Variants in SALL1 observed in about 807,000 individuals in gnomAD.
SALL1 encodes sal-like protein 1.
SALL1 carries 10 observed loss-of-function variants against 73.1 expected under a neutral mutation model. The ratio of observed to expected loss-of-function variants is 0.14; its 90% CI spans 0.08 to 0.23. SALL1 has a LOEUF of 0.23. Among genes scored for constraint, SALL1 ranks in the 10% least tolerant of loss-of-function variants. The pLI, the probability that SALL1 is intolerant of heterozygous loss-of-function variation, is 1.00. For missense variants in SALL1, 1,520 were observed against 1,697.3 expected, an observed-to-expected ratio of 0.90 and a Z score of 1.84; for synonymous variants, 688 against 689.8, an observed-to-expected ratio of 1.00 and a Z score of 0.04.
In SALL1 at chr16:51,138,900, C is replaced by T. The variant is rs148931484; in HGVS notation, c.3322G>A (p.Val1108Ile). The T allele has an allele frequency of 1.5e-5, 25 of 1,614,014 alleles. 1 individual carries two copies. In the South Asian group the frequency reaches 2.0e-4, roughly 13 times the overall value. ...QDSKDTPTSH[V>I]PSGPLSSSAT... Reference sequence around the variant, plus strand: ...GAGGAAGACAGAGGCCCAGACGGGACGTGACTGGTGGGGGTGTCCTTACTG... The same window carrying T: ...GAGGAAGACAGAGGCCCAGACGGGATGTGACTGGTGGGGGTGTCCTTACTG... Residue 1108 changes from valine (V) to isoleucine (I), a missense_variant, in exon 2 of 3, where the codon GTC becomes ATC. Val to Ile is a conservative substitution (Grantham distance 29). This residue lies in a region of SALL1 where 318 missense variants were observed against 357.1 expected (regional missense o/e 0.89). Transcript: ENST00000251020.
chr16:51,151,100 TG>T, intron 1 of SALL1, 65 bp downstream of exon 1: 1 of 1,199,390 alleles, frequency 8.3e-7, no homozygotes, highest in Non-Finnish European at 1.1e-6. Context: ...CGCGTGTGAG[TG>T]GGTCCGAGTG....
chr16:51,150,553 C>A, intron 1 of SALL1: 2 of 986,148 alleles, frequency 2.0e-6, no homozygotes, highest in Non-Finnish European at 2.4e-6. Flanking sequence ...GGCGCTGGCG[C>A]CCCGACACCA....
chr16:51,143,262 T>C, intron 1 of SALL1: 1 of 348,754 alleles, frequency 2.9e-6, no homozygotes, highest in Non-Finnish European at 5.9e-6. Flanking sequence ...AGATGTCTTC[T>C]CACTAAGATC....
chr16:51,150,868 G>A (rs867953174), intron 1 of SALL1: 3 of 320,026 alleles, frequency 9.4e-6, no homozygotes, highest in African/African-American at 6.4e-5. Context: ...CCCCGGAAAA[G>A]CAGGGACGGA....
At chr16:51,146,313 A>C (rs1466647265) in intron 1 of SALL1, among the ~76,000 whole-genome samples, 1 of 152,178 alleles carries the variant, frequency 6.6e-6, no homozygotes, top group Admixed American at 6.5e-5. Context: ...TAATGTACAC[A>C]ATAAATGAAA....
Position 51,138,860 on chromosome 16 carries a change from A to G in SALL1, c.3362T>C (p.Val1121Ala), listed in dbSNP as rs774834563. Residue 1121 changes from valine to alanine, a missense_variant, in exon 2 of 3, where the codon GTT becomes GCT. Physicochemically the swap from Val to Ala is moderately conservative, Grantham distance 64. This residue lies in a region of SALL1 where 318 missense variants were observed against 357.1 expected (regional missense o/e 0.89). Coordinates refer to ENST00000251020, the MANE Select transcript of SALL1 (RefSeq NM_002968.3). ...GPLSSSATSP[V>A]LLPALPRRTP... The stretch of plus-strand genomic sequence containing the variant: ...TCTCCTGGGCAGAGCAGGGAGCAGA[A>G]CTGGGGATGTGGCAGAGGAAGACAG... 6.2e-7 allele frequency: 1 copy of G among 1,614,232 alleles called. No homozygotes were observed.
chr16:51,150,287 G>T, intron 1 of SALL1: 1 of 560,646 alleles, frequency 1.8e-6, no homozygotes, highest in Non-Finnish European at 2.3e-6. Context: ...CACTCTGGCT[G>T]GCCACCCGCA....
At chr16:51,144,772 T>G (rs1962491403) in intron 1 of SALL1, among the ~76,000 whole-genome samples, 1 of 152,156 alleles carries the variant, frequency 6.6e-6, no homozygotes, top group Admixed American at 6.5e-5. Flanking sequence ...AATCTAAACA[T>G]TTTTATATTT....
chr16:51,147,780 AACACACACAC>A (rs145285801), intron 1 of SALL1, among the ~76,000 whole-genome samples: 1 of 146,200 alleles, frequency 6.8e-6, no homozygotes, highest in Non-Finnish European at 1.5e-5. Context: ...GAAGAACTCC[AACACACACAC>A]ACACACACAC....
chr16:51,150,954 T>C (rs983207954), intron 1 of SALL1: 1 of 416,124 alleles, frequency 2.4e-6, no homozygotes, highest in East Asian at 3.5e-5. Context: ...CCGGGAGATG[T>C]GCTCGCTTTC....
At position 51,140,816 on chromosome 16, in the gene SALL1, C is replaced by T; in HGVS notation, c.1406G>A (p.Arg469His). 1.9e-6 allele frequency: 3 copies of T among 1,614,166 alleles called. No individual in the cohort carries two copies. Among genetic ancestry groups the T allele is most frequent in the Non-Finnish European group, 2.5e-6 (3 of 1,180,030 alleles). ...GAATGGCCTCTCTCCGGTATGGGAA[C>T]GCAAGTGGATCTGCAAGGCACTGTC... is the stretch of plus-strand genomic sequence containing the variant. ...GSDSALQIHL[R>H]SHTGERPFKC... is the part of the protein sequence containing the mutation. Residue 469 changes from arginine to histidine, a missense_variant, in exon 2 of 3, where the codon CGT becomes CAT. Arg to His is a conservative substitution (Grantham distance 29). Around this residue, in one of 7 missense-constraint regions of SALL1, gnomAD observed 21 missense variants for 69.3 expected, o/e 0.30. Transcript: ENST00000251020. The surrounding 1 kb of genome is among the most constrained non-coding windows in gnomAD (Gnocchi z 5.7).
chr16:51,138,654 A>G, intron 2 of SALL1, 34 bp downstream of exon 2: 1 of 1,589,816 alleles, frequency 6.3e-7, no homozygotes, highest in Non-Finnish European at 8.6e-7. Context: ...GACAGGGTTG[A>G]TGGAGCAGGT....
chr16:51,141,312 C>T lies in SALL1; in HGVS notation c.910G>A (p.Ala304Thr), dbSNP rs777680112. The T allele has an allele frequency of 1.2e-6, 2 of 1,613,416 alleles. No homozygotes were observed. Among genetic ancestry groups the T allele is most frequent in the Non-Finnish European group, 1.7e-6 (2 of 1,179,978 alleles). Reference protein sequence around the residue: ...AAAAGLAQSLASQSASISGVK... With the variant: ...AAAAGLAQSLTSQSASISGVK... The stretch of plus-strand genomic sequence containing the variant: ...CCACTAATGCTGGCAGATTGGCTGG[C>T]GAGGCTCTGTGCCAATCCAGCTGCT... Residue 304 changes from alanine (A) to threonine (T), a missense_variant, in exon 2 of 3, where the codon GCC (alanine) becomes ACC (threonine). Physicochemically the swap from Ala to Thr is moderately conservative, Grantham distance 58. Coordinates refer to ENST00000251020, the MANE Select transcript of SALL1 (RefSeq NM_002968.3). The surrounding 1 kb of genome is among the most constrained non-coding windows in gnomAD (Gnocchi z 5.4).
intron 1 of SALL1, among the ~76,000 whole-genome samples, chr16:51,147,261 T>G (rs553127722): frequency 6.6e-6 from 1 of 152,376 alleles, no homozygotes; most frequent in Non-Finnish European, 1.5e-5. Flanking sequence ...CATACTACCC[T>G]CATGCCTAAC....
At chr16:51,145,723 A>G (rs1962506233) in intron 1 of SALL1, among the ~76,000 whole-genome samples, 1 of 152,194 alleles carries the variant, frequency 6.6e-6, no homozygotes, top group African/African-American at 2.4e-5. Context: ...AAATAAAAAT[A>G]AAACTATGTC....
At chr16:51,137,784 C>T (rs1490666711) in intron 2 of SALL1, among the ~76,000 whole-genome samples, 1 of 152,168 alleles carries the variant, frequency 6.6e-6, no homozygotes, top group African/African-American at 2.4e-5. Context: ...GGCTGTCTCC[C>T]CTCTTCCAAG....
Position 51,141,872 on chromosome 16 carries a change from T to C in SALL1, c.350A>G (p.Asn117Ser), listed in dbSNP as rs866772735. Residue 117 changes from asparagine to serine, a missense_variant, in exon 2 of 3, where the codon AAC becomes AGC. Around this residue, in one of 7 missense-constraint regions of SALL1, gnomAD observed 540 missense variants for 567.5 expected, o/e 0.95. Transcript: ENST00000251020. This position sits in a 1 kb window ranked among gnomAD's most constrained non-coding sequence, Gnocchi z 5.4. ...CATGGACTCTTCCCTGTCAAGTCCG[T>C]TGTGTTCTGAAAGGTCGCTGCAGTC... ...QVDCSDLSEH[N>S]GLDREESMEV... is the part of the protein sequence containing the mutation. 2 of 1,613,982 alleles carry C rather than the reference T, an allele frequency of 1.2e-6. No homozygotes were observed. Among genetic ancestry groups the C allele is most frequent in the African/African-American group, 1.3e-5 (1 of 75,028 alleles).
In SALL1 at chr16:51,138,544, C is replaced by T. The variant is rs538377670; in HGVS notation, c.3534+144G>A. The stretch of plus-strand genomic sequence containing the variant: ...GGCACCCTCTCCCCCATTTCTCCCC[C>T]GTCAACCATGTGCAGCAGGTTCCCT... On this transcript the variant is annotated intron_variant, in intron 2 of 2. Coordinates refer to ENST00000251020, the MANE Select transcript of SALL1 (RefSeq NM_002968.3). 1.1e-4 allele frequency: 122 copies of T among 1,105,286 alleles called. No homozygotes were observed. In the East Asian group the frequency reaches 2.0e-3, roughly 18 times the overall value. 68.5% of individuals were successfully genotyped at this position (1,105,286 alleles called of 1,614,324 possible).
At chr16:51,151,705 C>T (rs1326262783), upstream of SALL1, among the ~76,000 whole-genome samples, 1 of 151,626 alleles carries the variant, frequency 6.6e-6, no homozygotes, top group South Asian at 2.1e-4. Context: ...AGGCGCCCCC[C>T]GCTCTCTCCC....
Sources: gnomAD v4.1 joint callset for allele counts (sites outside exome capture counted in the v4.1 genomes callset) on GRCh38, gnomAD v4.1.1 for gene constraint, gnomAD v4.1.1 regional missense constraint, Gnocchi (gnomAD v3.1) non-coding constraint, MANE v1.5 for transcripts, NCBI Gene and HGNC (gene_info 2026-07-23, HGNC 2026-07-21) for gene names.